PRDM11: variants seen among roughly 807,000 people sequenced by gnomAD.
PRDM11 encodes PR/SET domain 11, also known as PR domain-containing protein 11.
PRDM11 carries 20 observed loss-of-function variants against 97.8 expected under a neutral mutation model. That is an observed-to-expected ratio of 0.20 (90% CI 0.14 to 0.30). PRDM11 has a LOEUF of 0.30. PRDM11 is among the 10% of genes least tolerant of loss of function. PRDM11 has a pLI of 1.00. For missense variants in PRDM11, 1,139 were observed against 1,555.2 expected (o/e 0.73, Z 4.50); for synonymous variants, 599 against 637.7 (o/e 0.94, Z 0.91).
At chr11:45,216,147 C>G (rs2135831822) in intron 5 of PRDM11, 1 of 152,698 alleles carries the variant, frequency 6.5e-6, no homozygotes, top group Non-Finnish European at 1.5e-5. Context: ...CCAGAGCTCT[C>G]CACCGCCATC....
upstream of PRDM11, among the ~76,000 whole-genome samples, chr11:45,146,029 A>G (rs1359647212): frequency 2.0e-5 from 3 of 152,210 alleles, no homozygotes; most frequent in African/African-American, 4.8e-5. Context: ...CCTCTGTAAC[A>G]TATTTTGACT....
At chr11:45,114,452 T>C (rs1852258527) in intron 1 of PRDM11, among the ~76,000 whole-genome samples, 1 of 152,158 alleles carries the variant, frequency 6.6e-6, no homozygotes, top group African/African-American at 2.4e-5. Context: ...TGTAAGATAA[T>C]ATTAGTTTCC....
At chr11:45,133,926 C>A (rs554692102) in intron 1 of PRDM11, among the ~76,000 whole-genome samples, 99 of 152,290 alleles carry the variant, frequency 6.5e-4, no homozygotes, top group African/African-American at 2.3e-3. Flanking sequence ...TTGAGATGGG[C>A]CCCCAAATGC....
rs1854460449 is a variant in PRDM11, at chr11:45,234,324, G to A, written c.*6165G>A. 1 of 152,500 alleles carries A rather than the reference G, an allele frequency of 6.6e-6. No individual in the cohort carries two copies. The highest frequency in any genetic ancestry group is 1.5e-5 in the Non-Finnish European group (1 of 68,174). The allele number at this position is 152,500 out of a possible 1,614,324, so 9.4% of individuals were successfully genotyped here. On this transcript the variant is annotated 3_prime_UTR_variant, in exon 8 of 8. Coordinates refer to ENST00000683152, the MANE Select transcript of PRDM11 (RefSeq NM_001384648.1). ...CAGCCTTCTGCTTTTGGGGTCCGAA[G>A]GGGCATTTGCTCCCATCCTGAGCCT...
At position 45,227,338 on chromosome 11, in the gene PRDM11, G is replaced by T; in HGVS notation, c.2713G>T (p.Val905Leu). The T allele has an allele frequency of 6.5e-7, 1 of 1,533,976 alleles. No homozygotes were observed. The highest frequency in any genetic ancestry group is 8.7e-7 in the Non-Finnish European group (1 of 1,146,730). Residue 905 changes from valine (V) to leucine (L), a missense_variant, in exon 8 of 8, where the codon GTG (valine) becomes TTG (leucine). Physicochemically the swap from Val to Leu is conservative, Grantham distance 32 (BLOSUM62 1). Coordinates refer to ENST00000683152, the MANE Select transcript of PRDM11 (RefSeq NM_001384648.1). This position sits in a 1 kb window ranked among gnomAD's most constrained non-coding sequence, Gnocchi z 8.0. ...AYIFQGEYLL[V>L]SQVDDKIEEA... ...CATCTTCCAGGGCGAGTACCTGCTGGTGTCCCAGGTGGATGACAAGATCGA... is the reference window on the plus strand; with the variant it reads ...CATCTTCCAGGGCGAGTACCTGCTGTTGTCCCAGGTGGATGACAAGATCGA...
intron 1 of PRDM11, among the ~76,000 whole-genome samples, chr11:45,107,928 C>T (rs904380588): frequency 6.6e-5 from 10 of 151,540 alleles, no homozygotes; most frequent in African/African-American, 2.4e-4. Context: ...CTCCAGGGTA[C>T]AAGTGATTCT....
chr11:45,130,166 A>G (rs1465120142), intron 1 of PRDM11, among the ~76,000 whole-genome samples: 1 of 152,192 alleles, frequency 6.6e-6, no homozygotes, highest in Non-Finnish European at 1.5e-5. Context: ...AAACAAAACA[A>G]TAAAGCTTCC....
chr11:45,171,289 A>G (rs891471814), intron 1 of PRDM11, among the ~76,000 whole-genome samples: 1 of 152,090 alleles, frequency 6.6e-6, no homozygotes, highest in East Asian at 1.9e-4. Context: ...TAGTAGAAAC[A>G]GGGTTTTGCC....
chr11:45,128,250 C>A (rs1005761096), intron 1 of PRDM11, among the ~76,000 whole-genome samples: 1 of 152,210 alleles, frequency 6.6e-6, no homozygotes, highest in Non-Finnish European at 1.5e-5. Flanking sequence ...CTGTCTGTCA[C>A]CCCTTTCTTT....
At chr11:45,196,267 A>G (rs569683816) in intron 4 of PRDM11, among the ~76,000 whole-genome samples, 7 of 152,010 alleles carry the variant, frequency 4.6e-5, no homozygotes, top group Middle Eastern at 6.8e-3. Context: ...CCTTTTTTCT[A>G]TCTCTTGTTC....
chr11:45,153,595 A>G (rs74724655), intron 1 of PRDM11, among the ~76,000 whole-genome samples: 3,622 of 152,310 alleles, frequency 0.024, 165 homozygotes, highest in African/African-American at 0.083. Flanking sequence ...GTGCCTGAAT[A>G]CAAGACAATG....
At chr11:45,205,605 G>A (rs1403192605) in intron 5 of PRDM11, among the ~76,000 whole-genome samples, 2 of 152,190 alleles carry the variant, frequency 1.3e-5, no homozygotes, top group Non-Finnish European at 2.9e-5. Context: ...CCATGGGCCT[G>A]GGGCCCTCTG....
chr11:45,193,524 G>A (rs190769302), intron 4 of PRDM11, among the ~76,000 whole-genome samples: 1 of 152,310 alleles, frequency 6.6e-6, no homozygotes, highest in African/African-American at 2.4e-5. Flanking sequence ...CCATCATGGT[G>A]CAAAAGCAGC....
chr11:45,110,155 G>A (rs558496410), intron 1 of PRDM11, among the ~76,000 whole-genome samples: 93 of 152,340 alleles, frequency 6.1e-4, no homozygotes, highest in African/African-American at 2.1e-3. Context: ...TACACCTTTG[G>A]CAATGCTAAG....
chr11:45,209,758 T>C lies in PRDM11; in HGVS notation c.554+4980T>C, dbSNP rs373196574. ...GCCATCTGGACATTCTTCATAGTTTTTGAGCCAGGGGCCCCACGTTTTCAT... is the reference window on the plus strand; with the variant it reads ...GCCATCTGGACATTCTTCATAGTTTCTGAGCCAGGGGCCCCACGTTTTCAT... On this transcript the variant is annotated intron_variant, in intron 5 of 7. Coordinates refer to ENST00000683152, the MANE Select transcript of PRDM11 (RefSeq NM_001384648.1). Among the ~76,000 whole-genome samples the C allele has an allele frequency of 4.6e-5, 7 of 152,278 alleles. No homozygotes were observed. In the South Asian group the frequency reaches 8.3e-4, roughly 18 times the overall value.
chr11:45,213,958 C>A, intron 5 of PRDM11: 1 of 347,942 alleles, frequency 2.9e-6, no homozygotes, highest in Non-Finnish European at 5.7e-6. Context: ...CTGCTTCTGC[C>A]TCAGCTGTCC....
chr11:45,191,799 A>G (rs1351315029), intron 4 of PRDM11, among the ~76,000 whole-genome samples: 2 of 143,372 alleles, frequency 1.4e-5, no homozygotes, highest in African/African-American at 5.0e-5. Context: ...TCTAAGCCAA[A>G]CTAGGTTTTA....
chr11:45,150,441 C>A (rs887241839), intron 1 of PRDM11, among the ~76,000 whole-genome samples: 19 of 152,188 alleles, frequency 1.2e-4, no homozygotes, highest in African/African-American at 4.6e-4. Context: ...TCACCAAACA[C>A]CTTCTGTTGA....
chr11:45,181,703 C>T (rs1364691169), intron 1 of PRDM11, 58 bp from the exon 2 acceptor site: 2 of 1,483,530 alleles, frequency 1.3e-6, no homozygotes, highest in South Asian at 1.2e-5. Flanking sequence ...GCCGCTCACT[C>T]CTCTTCCCCT....
Sources: gnomAD v4.1 joint callset for allele counts (sites outside exome capture counted in the v4.1 genomes callset) on GRCh38, gnomAD v4.1.1 for gene constraint, Gnocchi (gnomAD v3.1) non-coding constraint, MANE v1.5 for transcripts, NCBI Gene and HGNC (gene_info 2026-07-23, HGNC 2026-07-21) for gene names.